Variants in CHD7 observed in about 807,000 individuals in gnomAD.
The protein encoded by CHD7 is chromodomain helicase DNA binding protein 7.
CHD7 carries 24 observed loss-of-function variants against 307.3 expected under a neutral mutation model. The observed-to-expected ratio is 0.08, with a 90% CI of 0.06 to 0.11. CHD7 has a LOEUF of 0.11. Ranked by LOEUF, CHD7 falls within the 10% of genes least tolerant of loss-of-function variation. The pLI, the probability that CHD7 is intolerant of heterozygous loss-of-function variation, is 1.00. For synonymous variants in CHD7, 1,363 were observed against 1,349.9 expected, an observed-to-expected ratio of 1.01 and a Z score of -0.21; for missense variants, 3,106 against 3,727.1, an observed-to-expected ratio of 0.83 and a Z score of 4.34.
At chr8:60,801,446 G>C in intron 5 of CHD7, 82 bp from the exon 6 acceptor site, 1 of 1,019,044 alleles carries the variant, frequency 9.8e-7, no homozygotes, top group Non-Finnish European at 1.5e-6. Context: ...GGAGGTGGTA[G>C]CAAAGGGGAA....
chr8:60,775,140 G>T (rs566788618), intron 2 of CHD7, among the ~76,000 whole-genome samples: 2 of 151,958 alleles, frequency 1.3e-5, no homozygotes, highest in South Asian at 2.1e-4. Flanking sequence ...AAGCAGAAAG[G>T]CAAAGGTTCA....
rs1804812628 is a variant in CHD7, at chr8:60,837,980, G to A, written c.4354-96G>A. 2.4e-6 allele frequency: 3 copies of A among 1,254,750 alleles called. No individual in the cohort carries two copies. In the South Asian group the frequency reaches 5.4e-5, roughly 22 times the overall value. 77.7% of individuals were successfully genotyped at this position (1,254,750 alleles called of 1,614,324 possible). On this transcript the variant is annotated intron_variant, in intron 18 of 37. Transcript: ENST00000423902. Reference sequence around the variant, plus strand: ...TAACACTTTCCTTTGTTATAATTTAGGTTTACTCTCTTTGAGAAAAATGCA... The same window carrying A: ...TAACACTTTCCTTTGTTATAATTTAAGTTTACTCTCTTTGAGAAAAATGCA...
intron 21 of CHD7, among the ~76,000 whole-genome samples, chr8:60,844,495 G>A (rs1805115719): frequency 6.6e-6 from 1 of 152,138 alleles, no homozygotes; most frequent in Non-Finnish European, 1.5e-5. Context: ...GTCTCAGATG[G>A]TTGGTCAACA....
intron 1 of CHD7, among the ~76,000 whole-genome samples, chr8:60,706,341 T>C (rs1312381885): frequency 6.6e-6 from 1 of 152,244 alleles, no homozygotes; most frequent in Non-Finnish European, 1.5e-5. Context: ...ATCTTGGTAG[T>C]ATTTAGCATT....
intron 1 of CHD7, among the ~76,000 whole-genome samples, chr8:60,720,131 T>G (rs762377437): frequency 7.2e-5 from 11 of 152,196 alleles, no homozygotes; most frequent in Non-Finnish European, 1.3e-4. Context: ...CACAGAGCTC[T>G]GATTTTTTTC....
intron 1 of CHD7, among the ~76,000 whole-genome samples, chr8:60,736,701 A>G (rs1010905243): frequency 1.9e-4 from 29 of 151,998 alleles, no homozygotes; most frequent in Non-Finnish European, 2.9e-5. Flanking sequence ...CTATGATTTC[A>G]CTCTTGCCCA....
At chr8:60,714,835 C>T (rs1220175766) in intron 1 of CHD7, among the ~76,000 whole-genome samples, 2 of 152,244 alleles carry the variant, frequency 1.3e-5, no homozygotes, top group African/African-American at 4.8e-5. Context: ...TGTTCCAGGT[C>T]TGCCCAGGGG....
At chr8:60,732,403 C>T (rs1446923507) in intron 1 of CHD7, among the ~76,000 whole-genome samples, 1 of 152,208 alleles carries the variant, frequency 6.6e-6, no homozygotes, top group East Asian at 1.9e-4. Context: ...GCCCTTGCCT[C>T]ACCTCTGCAT....
At chr8:60,861,170 G>T in intron 35 of CHD7, 45 bp downstream of exon 35, 3 of 1,432,086 alleles carry the variant, frequency 2.1e-6, no homozygotes, top group Non-Finnish European at 2.9e-6. Flanking sequence ...TTGCAGGCCG[G>T]TCCACTTCAT....
At chr8:60,840,021 CAT>C (rs1186747881) in intron 19 of CHD7, among the ~76,000 whole-genome samples, 6 of 152,192 alleles carry the variant, frequency 3.9e-5, no homozygotes, top group Admixed American at 2.0e-4. Flanking sequence ...TAAATGGAAT[CAT>C]ATGTTATATG....
At chr8:60,840,185 C>T (rs1019336976) in intron 19 of CHD7, among the ~76,000 whole-genome samples, 5 of 152,154 alleles carry the variant, frequency 3.3e-5, no homozygotes, top group African/African-American at 9.7e-5. Context: ...GTCCAACGTT[C>T]GTTTTGCATG....
At chr8:60,799,691 A>G (rs1271097055) in intron 4 of CHD7, among the ~76,000 whole-genome samples, 2 of 152,032 alleles carry the variant, frequency 1.3e-5, no homozygotes, top group East Asian at 3.9e-4. Context: ...GACTTTTTAT[A>G]TGGGAAAAAT....
In CHD7 at chr8:60,800,506, C is replaced by T. The variant is rs1563611998; in HGVS notation, c.2357C>T (p.Thr786Ile). The T allele has an allele frequency of 6.2e-7, 1 of 1,613,644 alleles. No individual in the cohort carries two copies. The highest frequency in any genetic ancestry group is 8.5e-7 in the Non-Finnish European group (1 of 1,179,730). The change falls in exon 5 of 38, where the codon ACC becomes ATC. Residue 786 changes from threonine (T) to isoleucine (I), a missense_variant. This residue lies in a region of CHD7 where 998 missense variants were observed against 1,004.5 expected (regional missense o/e 0.99). Coordinates refer to ENST00000423902, the MANE Select transcript of CHD7 (RefSeq NM_017780.4). ...DAAGRDSPSN[T>I]SQSEQQESVD... The stretch of plus-strand genomic sequence containing the variant: ...GCTGGGAGGGATTCCCCCTCCAACA[C>T]CTCCCAGTCAGAACAGCAGGTTAGT...
At chr8:60,801,400 C>T (rs1812303688) in intron 5 of CHD7, 128 bp from the exon 6 acceptor site, 1 of 650,950 alleles carries the variant, frequency 1.5e-6, no homozygotes, top group Non-Finnish European at 2.7e-6. Context: ...TCGTGTTTCT[C>T]ACTGATAACT....
chr8:60,841,528 G>A, intron 19 of CHD7, 116 bp from the exon 20 acceptor site: 1 of 777,344 alleles, frequency 1.3e-6, no homozygotes, highest in South Asian at 1.6e-5. Context: ...CTACTGTAGT[G>A]TCTGGCATAA....
intron 14 of CHD7, 115 bp from the exon 15 acceptor site, chr8:60,830,207 T>A: frequency 8.9e-7 from 1 of 1,124,592 alleles, no homozygotes; most frequent in East Asian, 2.5e-5. Context: ...CACTGGGCTT[T>A]GAAAAATGAA....
At chr8:60,711,575 G>A (rs1198412400) in intron 1 of CHD7, among the ~76,000 whole-genome samples, 2 of 152,204 alleles carry the variant, frequency 1.3e-5, no homozygotes, top group Non-Finnish European at 2.9e-5. Context: ...GTTGAGCGAG[G>A]AATAGAAATG....
At chr8:60,811,657 T>C (rs79729305) in intron 7 of CHD7, among the ~76,000 whole-genome samples, 3,025 of 152,322 alleles carry the variant, frequency 0.02, 92 homozygotes, top group African/African-American at 0.061. Flanking sequence ...TATCTATATA[T>C]TTTCAAATTA....
At chr8:60,830,202 G>A in intron 14 of CHD7, 120 bp from the exon 15 acceptor site, 1 of 1,023,908 alleles carries the variant, frequency 9.8e-7, no homozygotes, top group East Asian at 2.5e-5. Context: ...ACTCTCACTG[G>A]GCTTTGAAAA....
Sources: allele counts gnomAD v4.1 joint callset (sites outside exome capture counted in the v4.1 genomes callset), GRCh38; gene constraint gnomAD v4.1.1; regional missense constraint gnomAD v4.1.1; transcripts MANE v1.5; gene names NCBI Gene and HGNC (gene_info 2026-07-23, HGNC 2026-07-21).